Variants in NFIB observed in about 807,000 individuals in gnomAD.
NFIB encodes the protein nuclear factor 1 B-type.
NFIB carries 11 observed loss-of-function variants against 61.5 expected under a neutral mutation model. The ratio of observed to expected loss-of-function variants is 0.18; its 90% CI spans 0.11 to 0.30. NFIB has a LOEUF of 0.30. Ranked by LOEUF, NFIB falls within the 10% of genes least tolerant of loss-of-function variation. The pLI is 1.00. For missense variants in NFIB, 471 were observed against 608.9 expected, an observed-to-expected ratio of 0.77 and a Z score of 2.38; for synonymous variants, 260 against 216.5, an observed-to-expected ratio of 1.20 and a Z score of -1.76.
At chr9:14,481,466 G>A in the NFIB span, among the ~76,000 whole-genome samples, 1 of 151,334 alleles carries the variant, frequency 6.6e-6, no homozygotes, top group African/African-American at 2.4e-5. Context: ...TCCTTCAAGA[G>A]GAACCCAAAA....
the NFIB span, among the ~76,000 whole-genome samples, chr9:14,515,084 C>T: frequency 6.6e-6 from 1 of 152,082 alleles, no homozygotes; most frequent in African/African-American, 2.4e-5. Context: ...CTTTATTGCA[C>T]TGCAGCTAGA....
At chr9:14,479,421 G>C in the NFIB span, among the ~76,000 whole-genome samples, 1 of 152,212 alleles carries the variant, frequency 6.6e-6, no homozygotes, top group African/African-American at 2.4e-5. Context: ...CTACAGGCTT[G>C]GGTATGGTGG....
intron 2 of NFIB, among the ~76,000 whole-genome samples, chr9:14,186,246 C>T (rs1428337281): frequency 6.6e-6 from 1 of 152,116 alleles, no homozygotes; most frequent in Non-Finnish European, 1.5e-5. Context: ...CACAATGTAA[C>T]CTGTTAACCT....
chr9:14,437,851 G>A, the NFIB span, among the ~76,000 whole-genome samples: 1 of 152,190 alleles, frequency 6.6e-6, no homozygotes. Context: ...CTGGGCTGGA[G>A]GCCAAGAGTG....
At chr9:14,322,227 T>C (rs2060678294) in intron 1 of NFIB, 1 of 760,962 alleles carries the variant, frequency 1.3e-6, no homozygotes, top group Non-Finnish European at 1.8e-6. Flanking sequence ...TCTGTCTGGA[T>C]TTCCAGCTTT....
At chr9:14,386,500 A>G (rs1343103004) in intron 1 of NFIB, among the ~76,000 whole-genome samples, 1 of 152,214 alleles carries the variant, frequency 6.6e-6, no homozygotes, top group African/African-American at 2.4e-5. Context: ...AGAATTGATC[A>G]TAATACCAAG....
the NFIB span, among the ~76,000 whole-genome samples, chr9:14,516,471 C>CA: frequency 3.3e-5 from 5 of 151,372 alleles, no homozygotes; most frequent in African/African-American, 4.8e-5. Context: ...TCTGTTATCT[C>CA]AAAAAAAAGG....
the NFIB span, among the ~76,000 whole-genome samples, chr9:14,470,597 G>T: frequency 6.6e-6 from 1 of 152,210 alleles, no homozygotes; most frequent in Non-Finnish European, 1.5e-5. Context: ...TGCTTAGGCA[G>T]CAGGGGCTTG....
intron 2 of NFIB, among the ~76,000 whole-genome samples, chr9:14,281,933 T>C (rs1298419481): frequency 6.6e-6 from 1 of 152,148 alleles, no homozygotes; most frequent in African/African-American, 2.4e-5. Context: ...AAAAAATGGA[T>C]GCTGCATAGG....
chr9:14,465,289 G>T, the NFIB span, among the ~76,000 whole-genome samples: 1 of 152,156 alleles, frequency 6.6e-6, no homozygotes, highest in Non-Finnish European at 1.5e-5. Context: ...CCAAAAGAAG[G>T]ACTGGGAAAC....
At chr9:14,226,467 G>C (rs1019179678) in intron 2 of NFIB, among the ~76,000 whole-genome samples, 6 of 151,054 alleles carry the variant, frequency 4.0e-5, no homozygotes, top group African/African-American at 7.3e-5. Context: ...AGGATCTCTT[G>C]AACGCATGCG....
chr9:14,164,486 G>A (rs776854018), intron 3 of NFIB, among the ~76,000 whole-genome samples: 4 of 151,972 alleles, frequency 2.6e-5, no homozygotes, highest in African/African-American at 4.8e-5. Context: ...ACATAGCAAA[G>A]GTACCATAAA....
the NFIB span, among the ~76,000 whole-genome samples, chr9:14,482,700 A>T: frequency 6.6e-6 from 1 of 152,306 alleles, no homozygotes; most frequent in African/African-American, 2.4e-5. Context: ...ATTTCTCCCA[A>T]ATGAACCACA....
chr9:14,408,133 T>C, the NFIB span, among the ~76,000 whole-genome samples: 1 of 152,208 alleles, frequency 6.6e-6, no homozygotes, highest in Non-Finnish European at 1.5e-5. Flanking sequence ...TGAAAGTATA[T>C]TATAAAGATG....
chr9:14,119,189 C>G (rs2038595206), intron 8 of NFIB, among the ~76,000 whole-genome samples: 1 of 152,164 alleles, frequency 6.6e-6, no homozygotes, highest in African/African-American at 2.4e-5. Context: ...ACTGAGACTT[C>G]TGAATCCATG....
At position 14,242,231 on chromosome 9, in the gene NFIB, G is replaced by C. The variant is rs56970561; in HGVS notation, c.563-62451C>G. Among the ~76,000 whole-genome samples the C allele has an allele frequency of 0.033, 5,007 of 152,228 alleles. 776 individuals carry two copies. The East Asian group carries it at 0.49, about 15-fold the overall frequency. On this transcript the variant is annotated intron_variant, in intron 2 of 10. Transcript: ENST00000380953. ...ATCTGCACATTGAAAGAATTTATGT[G>C]TTTTTTCCCACATATGGAAATATGC...
At chr9:14,391,519 A>G (rs4403502) in intron 1 of NFIB, among the ~76,000 whole-genome samples, 9,348 of 152,152 alleles carry the variant, frequency 0.061, 489 homozygotes, top group East Asian at 0.33. Flanking sequence ...AAGATCTCAG[A>G]AGTTGGGTGA....
chr9:14,203,633 C>T (rs2049303159), intron 2 of NFIB, among the ~76,000 whole-genome samples: 1 of 152,218 alleles, frequency 6.6e-6, no homozygotes, highest in Non-Finnish European at 1.5e-5. Context: ...TGTCGCCGGC[C>T]TGGGCCCGCC....
At chr9:14,273,296 T>C (rs1304443219) in intron 2 of NFIB, among the ~76,000 whole-genome samples, 2 of 152,212 alleles carry the variant, frequency 1.3e-5, no homozygotes, top group Non-Finnish European at 2.9e-5. Context: ...ATAGGCCTTG[T>C]ATCCTTTAAG....
Sources: allele counts gnomAD v4.1 joint callset (sites outside exome capture counted in the v4.1 genomes callset), GRCh38; gene constraint gnomAD v4.1.1; transcripts MANE v1.5; gene names NCBI Gene and HGNC (gene_info 2026-07-23, HGNC 2026-07-21).